BTBD2: variants seen among roughly 807,000 people sequenced by gnomAD.
BTBD2 encodes the protein BTB/POZ domain-containing protein 2.
A neutral mutation model predicts 44.0 loss-of-function variants in BTBD2; 15 were observed. The ratio of observed to expected loss-of-function variants is 0.34; its 90% CI spans 0.23 to 0.53. The LOEUF (loss-of-function observed/expected upper bound fraction) is 0.53, where lower values mean the gene tolerates loss of function less well. BTBD2 is among the 20% of genes least tolerant of loss of function. The probability of loss-of-function intolerance (pLI) is 0.95; values close to 1 mark genes in which losing one functional copy is unlikely to be tolerated. For missense variants in BTBD2, 657 were observed against 746.4 expected, an observed-to-expected ratio of 0.88 and a Z score of 1.39; for synonymous variants, 443 against 335.9, an observed-to-expected ratio of 1.32 and a Z score of -3.49.
intron 1 of BTBD2, among the ~76,000 whole-genome samples, chr19:1,998,133 C>T (rs777918508): frequency 2.6e-5 from 4 of 152,176 alleles, no homozygotes; most frequent in Non-Finnish European, 5.9e-5. Context: ...ATGCACTCAT[C>T]CACTTAGTCT....
intron 1 of BTBD2, among the ~76,000 whole-genome samples, chr19:2,007,365 G>A (rs957110401): frequency 2.0e-4 from 30 of 152,202 alleles, no homozygotes; most frequent in African/African-American, 6.5e-4. Context: ...GTGCTGCTAC[G>A]GCAGAATTAA....
intron 2 of BTBD2, among the ~76,000 whole-genome samples, chr19:1,996,999 G>A (rs2016259614): frequency 6.6e-6 from 1 of 152,080 alleles, no homozygotes; most frequent in South Asian, 2.1e-4. Context: ...CTAACACAGT[G>A]AAACCCCATC....
Position 2,015,466 on chromosome 19 carries a change from C to A in BTBD2, c.238G>T (p.Ala80Ser). The change falls in exon 1 of 9, where the codon GCG becomes TCG. Residue 80 changes from alanine (A) to serine (S), a missense_variant. Transcript: ENST00000255608. ...AGCGCCGCCGCCCCCGGGCCCGCCG[C>A]CTCCTCCGCCCGCTCCGCGCCCGCG... ...QAAGAERAEE[A>S]AGPGAAALQR... The A allele has an allele frequency of 1.5e-6, 2 of 1,290,748 alleles. No individual in the cohort carries two copies. The highest frequency in any genetic ancestry group is 3.1e-5 in the African/African-American group (2 of 63,680). 80.0% of individuals were successfully genotyped at this position (1,290,748 alleles called of 1,614,324 possible).
intron 5 of BTBD2, among the ~76,000 whole-genome samples, chr19:1,989,144 A>G (rs2016136102): frequency 6.6e-6 from 1 of 152,210 alleles, no homozygotes; most frequent in African/African-American, 2.4e-5. Context: ...CCATAATCCC[A>G]GCACTTTGTG....
chr19:2,007,134 G>A (rs2016405212), intron 1 of BTBD2, among the ~76,000 whole-genome samples: 1 of 152,142 alleles, frequency 6.6e-6, no homozygotes, highest in Admixed American at 6.5e-5. Context: ...GGGATTACAG[G>A]CGTGAGCCAC....
chr19:2,012,434 G>A (rs760144739), intron 1 of BTBD2, among the ~76,000 whole-genome samples: 76 of 152,186 alleles, frequency 5.0e-4, no homozygotes, highest in Non-Finnish European at 8.1e-4. Context: ...CCAGGCGTGC[G>A]CCCCCGCACC....
chr19:1,990,213 AG>A lies in BTBD2; in HGVS notation c.791-13del. 1 of 1,584,342 alleles carries A rather than the reference AG, an allele frequency of 6.3e-7. No individual in the cohort carries two copies. The highest frequency in any genetic ancestry group is 8.6e-7 in the Non-Finnish European group (1 of 1,166,502). On this transcript the variant is annotated splice_polypyrimidine_tract_variant and intron_variant, in intron 4 of 8. Coordinates refer to ENST00000255608, the MANE Select transcript of BTBD2 (RefSeq NM_017797.4). Reference sequence around the variant, plus strand: ...AGCCACCAGCGTGTCTGTGGGGTGGAGGAAGGGGCTGCGTGAACACGACACC... The same window carrying A: ...AGCCACCAGCGTGTCTGTGGGGTGGAGAAGGGGCTGCGTGAACACGACACC...
chr19:2,013,750 T>G, intron 1 of BTBD2: 6 of 899,060 alleles, frequency 6.7e-6, no homozygotes, highest in Non-Finnish European at 8.0e-6. Flanking sequence ...TGAAGGTCTC[T>G]GATCCAGATC....
chr19:1,996,342 G>A lies in BTBD2; in HGVS notation c.527+1002C>T, dbSNP rs146846641. ...AGTTTTTCTATTTTTGCAAAAAACA[G>A]TAATTCTGATAGGATTATACTGACT... On this transcript the variant is annotated intron_variant, in intron 2 of 8. Transcript: ENST00000255608. 5.9e-5 allele frequency among the ~76,000 whole-genome samples: 9 copies of A among 152,270 alleles called. No individual in the cohort carries two copies. In the East Asian group the frequency reaches 1.7e-3, roughly 29 times the overall value.
In BTBD2 at chr19:1,993,394, A is replaced by G. The variant is rs538711026; in HGVS notation, c.528-218T>C. Among the ~76,000 whole-genome samples the G allele has an allele frequency of 2.6e-5, 4 of 152,040 alleles. No individual in the cohort carries two copies. The East Asian group carries it at 7.7e-4, about 29-fold the overall frequency. ...CGACTTGGCAAGGTGGTCACCCATG[A>G]AAACGAGCAAGAGGCTGAACCCATC... On this transcript the variant is annotated intron_variant, in intron 2 of 8. Coordinates refer to ENST00000255608, the MANE Select transcript of BTBD2 (RefSeq NM_017797.4).
chr19:1,992,760 T>C (rs1001357706), intron 3 of BTBD2, among the ~76,000 whole-genome samples: 17 of 151,390 alleles, frequency 1.1e-4, no homozygotes, highest in African/African-American at 3.9e-4. Context: ...TTAGTAGAGA[T>C]AGGATTTCGC....
intron 2 of BTBD2, among the ~76,000 whole-genome samples, chr19:1,995,631 C>CT (rs1441159572): frequency 1.4e-5 from 2 of 144,430 alleles, no homozygotes; most frequent in Non-Finnish European, 1.5e-5. Context: ...ACATTTTGGA[C>CT]TTTGATCTAT....
At chr19:2,014,934 G>C (rs1427054795) in intron 1 of BTBD2, among the ~76,000 whole-genome samples, 1 of 151,500 alleles carries the variant, frequency 6.6e-6, no homozygotes. Context: ...TGGGGTCTGG[G>C]GACAGAGAGG....
intron 1 of BTBD2, among the ~76,000 whole-genome samples, chr19:2,003,773 GAAA>G (rs55653804): frequency 1.2e-4 from 15 of 122,478 alleles, no homozygotes; most frequent in East Asian, 2.3e-4. Flanking sequence ...CTCCGTCAAA[GAAA>G]AAAAAAAAAA....
intron 1 of BTBD2, among the ~76,000 whole-genome samples, chr19:2,013,293 G>C (rs1467094751): frequency 6.6e-6 from 1 of 152,214 alleles, no homozygotes; most frequent in Non-Finnish European, 1.5e-5. Context: ...CAGGGTAAGA[G>C]GGACCGGGGA....
At chr19:1,999,062 C>A (rs774237109) in intron 1 of BTBD2, among the ~76,000 whole-genome samples, 1 of 152,132 alleles carries the variant, frequency 6.6e-6, no homozygotes, top group Non-Finnish European at 1.5e-5. Flanking sequence ...ACTGGCTGGG[C>A]GACCTCCACA....
At chr19:1,996,200 G>T (rs1389078317) in intron 2 of BTBD2, among the ~76,000 whole-genome samples, 1 of 152,186 alleles carries the variant, frequency 6.6e-6, no homozygotes, top group East Asian at 1.9e-4. Context: ...CTGTTTTGAT[G>T]ATTGTAGCTT....
At chr19:1,993,208 G>T (rs746849209) in intron 2 of BTBD2, 32 bp from the exon 3 acceptor site, 1 of 1,576,804 alleles carries the variant, frequency 6.3e-7, no homozygotes, top group South Asian at 1.1e-5. Flanking sequence ...CCGTGAGGTG[G>T]GACCGCCATG....
At chr19:1,995,763 A>G (rs569353667) in intron 2 of BTBD2, among the ~76,000 whole-genome samples, 1 of 151,206 alleles carries the variant, frequency 6.6e-6, no homozygotes, top group South Asian at 2.1e-4. Context: ...CAGCCTCCCA[A>G]GTAGCTGCGA....
Sources: gnomAD v4.1 joint callset for allele counts (sites outside exome capture counted in the v4.1 genomes callset) on GRCh38, gnomAD v4.1.1 for gene constraint, MANE v1.5 for transcripts, NCBI Gene and HGNC (gene_info 2026-07-23, HGNC 2026-07-21) for gene names.